PDPR: variants seen among roughly 807,000 people sequenced by gnomAD.
PDPR encodes the protein pyruvate dehydrogenase phosphatase regulatory subunit.
PDPR carries 50 observed loss-of-function variants against 102.2 expected under a neutral mutation model. The observed-to-expected ratio is 0.49, with a 90% confidence interval of 0.39 to 0.62. PDPR has a LOEUF of 0.62. PDPR is among the 20% of genes least tolerant of loss of function. The pLI is 0.00. For missense variants in PDPR, 625 were observed against 1,098.2 expected, an observed-to-expected ratio of 0.57 and a Z score of 6.09; for synonymous variants, 259 against 406.0, an observed-to-expected ratio of 0.64 and a Z score of 4.35.
At chr16:70,125,367 T>C (rs1336720091) in intron 3 of PDPR, among the ~76,000 whole-genome samples, 1 of 150,742 alleles carries the variant, frequency 6.6e-6, no homozygotes, top group Non-Finnish European at 1.5e-5. Context: ...CGAGCAAAAC[T>C]CCGTCTCTAA....
intron 18 of PDPR, among the ~76,000 whole-genome samples, chr16:70,156,141 T>C (rs1567564920): frequency 6.6e-6 from 1 of 152,296 alleles, no homozygotes; most frequent in Non-Finnish European, 1.5e-5. Flanking sequence ...AAAAACATTT[T>C]TCTAAAGTAC....
At chr16:70,137,790 A>T (rs1217501315) in intron 10 of PDPR, among the ~76,000 whole-genome samples, 1 of 152,288 alleles carries the variant, frequency 6.6e-6, no homozygotes, top group East Asian at 1.9e-4. Context: ...ACGTAACTGT[A>T]TAATCTTTAG....
chr16:70,135,086 G>A (rs567488648), intron 9 of PDPR, among the ~76,000 whole-genome samples: 1 of 152,222 alleles, frequency 6.6e-6, no homozygotes, highest in African/African-American at 2.4e-5. Context: ...CCTGGCGAGA[G>A]TAGTATGATG....
chr16:70,120,142 C>T (rs1197171342), intron 2 of PDPR: 2 of 259,686 alleles, frequency 7.7e-6, no homozygotes, highest in African/African-American at 2.2e-5. Context: ...GTCTCGAACC[C>T]CTGACCTCGT....
At chr16:70,122,648 G>T (rs553049941) in intron 3 of PDPR, among the ~76,000 whole-genome samples, 1 of 152,384 alleles carries the variant, frequency 6.6e-6, no homozygotes, top group South Asian at 2.1e-4. Context: ...CTGAGATTAT[G>T]CCAATATCCT....
intron 2 of PDPR, among the ~76,000 whole-genome samples, chr16:70,115,628 C>A (rs546945886): frequency 1.3e-5 from 2 of 152,178 alleles, no homozygotes; most frequent in African/African-American, 4.8e-5. Context: ...TTGTGACCGG[C>A]AGTCCACTGT....
rs752772008 is a variant in PDPR, at chr16:70,156,926, T to C, written c.*47T>C. 3.8e-6 allele frequency: 6 copies of C among 1,595,230 alleles called. No individual in the cohort carries two copies. The highest frequency in any genetic ancestry group is 1.1e-5 in the South Asian group (1 of 88,580). On this transcript the variant is annotated 3_prime_UTR_variant, in exon 19 of 19. Coordinates refer to ENST00000288050, the MANE Select transcript of PDPR (RefSeq NM_017990.5). ...TCCTCCCCATCATCTTGTCCTAGAGTGGGCGTCACCTTGGAGCTTCTCTTC... is the reference window on the plus strand; with the variant it reads ...TCCTCCCCATCATCTTGTCCTAGAGCGGGCGTCACCTTGGAGCTTCTCTTC...
Position 70,136,334 on chromosome 16 carries a change from G to C in PDPR, c.1138G>C (p.Val380Leu), listed in dbSNP as rs531928747. Reference sequence around the variant, plus strand: ...GTCTCCTGCAGTGCAGGGCTACTTTGTCCTGGCAGGAATGAACTCTGCTGG... The same window carrying C: ...GTCTCCTGCAGTGCAGGGCTACTTTCTCCTGGCAGGAATGAACTCTGCTGG... ...GESPAVQGYF[V>L]LAGMNSAGLS... The change falls in exon 10 of 19, where the codon GTC (valine) becomes CTC (leucine). Residue 380 changes from valine (V) to leucine (L), a missense_variant. Around this residue, in one of 11 missense-constraint regions of PDPR, gnomAD observed 50 missense variants for 79.9 expected, o/e 0.63. Transcript: ENST00000288050. 36 of 1,613,402 alleles carry C rather than the reference G, an allele frequency of 2.2e-5. No individual in the cohort carries two copies. The East Asian group carries it at 7.4e-4, about 33-fold the overall frequency.
chr16:70,121,749 T>G lies in PDPR; in HGVS notation c.227+1030T>G, dbSNP rs1176289384. ...TGATAATTCTCAACCTGTGTTTAGC[T>G]AATGTTTTCTTATTCCCTTTTTTTT... On this transcript the variant is annotated intron_variant, in intron 3 of 18. Transcript: ENST00000288050. Among the ~76,000 whole-genome samples, 3 of 151,766 alleles carry G rather than the reference T, an allele frequency of 2.0e-5. No homozygotes were observed. The East Asian group carries it at 5.8e-4, about 29-fold the overall frequency.
intron 17 of PDPR, among the ~76,000 whole-genome samples, chr16:70,150,531 A>ATTTTTTTTTTTTTTTTTTTTTTTTT (rs71151175): frequency 7.2e-6 from 1 of 138,300 alleles, no homozygotes; most frequent in Non-Finnish European, 1.6e-5. Flanking sequence ...TTTTCTCTTA[A>ATTTTTTTTTTTTTTTTTTTTTTTTT]TTTTTTTTTT....
intron 4 of PDPR, among the ~76,000 whole-genome samples, chr16:70,128,223 CT>C (rs5817688): frequency 5.4e-5 from 8 of 149,354 alleles, no homozygotes; most frequent in Non-Finnish European, 7.4e-5. Context: ...CCAAAACTGT[CT>C]TTTTTTTTTT....
At chr16:70,113,655 G>T (rs1962352340), upstream of PDPR, 1 of 134,660 alleles carries the variant, frequency 7.4e-6, no homozygotes, top group African/African-American at 2.5e-5. Flanking sequence ...GAAAGAAAAG[G>T]CTGATGTGAC....
intron 3 of PDPR, among the ~76,000 whole-genome samples, chr16:70,126,552 A>G (rs1025592429): frequency 6.6e-6 from 1 of 152,212 alleles, no homozygotes; most frequent in Non-Finnish European, 1.5e-5. Context: ...TTTTGTAGAG[A>G]CGGGGTTTCA....
rs932741256 is a variant in PDPR, at chr16:70,157,418, C to G, written c.*539C>G. ...GTGGGCTGGCACTCGATACCTCTGG[C>G]AAGAGGATGATTATCTACCTCACTG... On this transcript the variant is annotated 3_prime_UTR_variant, in exon 19 of 19. Coordinates refer to ENST00000288050, the MANE Select transcript of PDPR (RefSeq NM_017990.5). 1.1e-5 allele frequency: 4 copies of G among 358,488 alleles called. No individual in the cohort carries two copies. The highest frequency in any genetic ancestry group is 8.6e-5 in the African/African-American group (4 of 46,736). 22.2% of individuals were successfully genotyped at this position (358,488 alleles called of 1,614,324 possible). A position where few individuals can be genotyped will look rare whatever the true frequency, so the allele number is the denominator to read the frequency against.
intron 17 of PDPR, 37 bp from the exon 18 acceptor site, chr16:70,153,354 G>T: frequency 6.3e-7 from 1 of 1,587,162 alleles, no homozygotes; most frequent in Non-Finnish European, 8.6e-7. Context: ...TAATTCTGAA[G>T]GTCTGCTGCT....
intron 8 of PDPR, 134 bp from the exon 9 acceptor site, chr16:70,132,017 T>C (rs768110749): frequency 3.8e-6 from 6 of 1,568,110 alleles, no homozygotes; most frequent in Non-Finnish European, 4.3e-6. Context: ...CCTGTGTTCA[T>C]TGAATGTTCT....
rs1205644766 is a variant in PDPR, at chr16:70,127,845, C to T, written c.361+452C>T. On this transcript the variant is annotated intron_variant, in intron 4 of 18. Coordinates refer to ENST00000288050, the MANE Select transcript of PDPR (RefSeq NM_017990.5). The stretch of plus-strand genomic sequence containing the variant: ...GGAGCTTGTTGGGAGGAGCTTGGGC[C>T]TGTGGAGTTGGCAGGAGGCTGCCAG... Among the ~76,000 whole-genome samples, 5 of 152,214 alleles carry T rather than the reference C, an allele frequency of 3.3e-5. No individual in the cohort carries two copies. The East Asian group carries it at 9.6e-4, about 29-fold the overall frequency.
chr16:70,141,013 C>CT (rs1053898382), intron 11 of PDPR, among the ~76,000 whole-genome samples: 5 of 152,182 alleles, frequency 3.3e-5, no homozygotes, highest in Admixed American at 1.3e-4. Flanking sequence ...ACTCTTCTGG[C>CT]TTTTTTTACT....
At chr16:70,117,924 C>T (rs1962813744) in intron 2 of PDPR, among the ~76,000 whole-genome samples, 1 of 152,004 alleles carries the variant, frequency 6.6e-6, no homozygotes, top group African/African-American at 2.4e-5. Flanking sequence ...GAAACCCTGT[C>T]TGTACTAAAA....
Sources: allele counts gnomAD v4.1 joint callset (sites outside exome capture counted in the v4.1 genomes callset), GRCh38; gene constraint gnomAD v4.1.1; regional missense constraint gnomAD v4.1.1; transcripts MANE v1.5; gene names NCBI Gene and HGNC (gene_info 2026-07-23, HGNC 2026-07-21).